Variants in STRN4 observed in about 807,000 individuals in gnomAD.
STRN4 encodes the protein striatin-4.
STRN4 carries 27 observed loss-of-function variants against 77.9 expected under a neutral mutation model. The observed-to-expected ratio is 0.35, with a 90% CI of 0.26 to 0.48. STRN4 has a LOEUF of 0.48. Among genes scored for constraint, STRN4 ranks in the 20% least tolerant of loss-of-function variants. STRN4 has a pLI of 0.99. For missense variants in STRN4, 798 were observed against 1,049.7 expected (o/e 0.76, Z 3.31); for synonymous variants, 466 against 443.1 (o/e 1.05, Z -0.65).
chr19:46,731,244 A>AAGGGC (rs927747188), intron 5 of STRN4, among the ~76,000 whole-genome samples: 7 of 152,166 alleles, frequency 4.6e-5, no homozygotes, highest in African/African-American at 1.7e-4. Context: ...GTCAGACCAC[A>AAGGGC]AGGGCAGGTC....
rs188204828 is a variant in STRN4, at chr19:46,740,542, G to A, written c.283-1654C>T. Among the ~76,000 whole-genome samples the A allele has an allele frequency of 1.6e-3, 241 of 151,814 alleles. 1 individual carries two copies. Among genetic ancestry groups the A allele is most frequent in the African/African-American group, 5.1e-3 (213 of 41,380 alleles). On this transcript the variant is annotated intron_variant, in intron 1 of 17. Coordinates refer to ENST00000263280, the MANE Select transcript of STRN4 (RefSeq NM_013403.3). ...ACTGGAGAAGGTGTGAGGAGAGGCA[G>A]ACCGACCACCGAAGACAAGTCCTGA...
chr19:46,719,584 G>T lies in STRN4; in HGVS notation c.*821C>A, dbSNP rs2053927062. 1 of 152,640 alleles carries T rather than the reference G, an allele frequency of 6.6e-6. No individual in the cohort carries two copies. The highest frequency in any genetic ancestry group is 6.5e-5 in the Admixed American group (1 of 15,270). The allele number at this position is 152,640 out of a possible 1,614,324, so 9.5% of individuals were successfully genotyped here. A position where few individuals can be genotyped will look rare whatever the true frequency, so the allele number is the denominator to read the frequency against. On this transcript the variant is annotated 3_prime_UTR_variant, in exon 18 of 18. Coordinates refer to ENST00000263280, the MANE Select transcript of STRN4 (RefSeq NM_013403.3). ...CAGAGGGGTTGGGGCTTATAAACAGGAACCTGGAAGGGGACCGAGGGTGCA... is the reference window on the plus strand; with the variant it reads ...CAGAGGGGTTGGGGCTTATAAACAGTAACCTGGAAGGGGACCGAGGGTGCA...
At chr19:46,744,340 GAGGGCAGGGGGAGAGTT>G (rs2054532365) in intron 1 of STRN4, among the ~76,000 whole-genome samples, 3 of 152,310 alleles carry the variant, frequency 2.0e-5, no homozygotes, top group African/African-American at 7.2e-5. Flanking sequence ...CACCACAAGT[GAGGGCAGGGGGAGAGTT>G]ACTGGAGGGT....
In STRN4 at chr19:46,722,367, G is replaced by A. The variant is rs200213485; in HGVS notation, c.1907-27C>T. 33 of 1,606,120 alleles carry A rather than the reference G, an allele frequency of 2.1e-5. No individual in the cohort carries two copies. The Admixed American group carries it at 3.0e-4, about 15-fold the overall frequency. Reference sequence around the variant, plus strand: ...TGAAGGAAAACGCAGGAAGAGGGAAGGATGTCAAGCAGAAAATCAGGAAGA... The same window carrying A: ...TGAAGGAAAACGCAGGAAGAGGGAAAGATGTCAAGCAGAAAATCAGGAAGA... On this transcript the variant is annotated intron_variant, in intron 14 of 17. Transcript: ENST00000263280.
intron 9 of STRN4, 121 bp downstream of exon 9, chr19:46,727,331 T>C: frequency 1.2e-6 from 1 of 825,032 alleles, no homozygotes; most frequent in Non-Finnish European, 2.0e-6. Context: ...ACTGTCTACA[T>C]CTGCACCCCT....
At chr19:46,729,541 C>T (rs1460973618) in intron 6 of STRN4, among the ~76,000 whole-genome samples, 2 of 152,174 alleles carry the variant, frequency 1.3e-5, no homozygotes, top group Non-Finnish European at 2.9e-5. Flanking sequence ...AAGGTTTATT[C>T]AACACTTGTG....
chr19:46,731,593 A>T (rs2054255596), intron 5 of STRN4: 1 of 152,664 alleles, frequency 6.6e-6, no homozygotes, highest in Non-Finnish European at 1.5e-5. Flanking sequence ...ACGGGTGCAG[A>T]GGTCACTGCA....
At chr19:46,728,272 G>C in intron 7 of STRN4, 1 of 602,884 alleles carries the variant, frequency 1.7e-6, no homozygotes, top group Non-Finnish European at 3.0e-6. Context: ...GGAGTCACAG[G>C]ACAGGGAGGA....
chr19:46,723,504 A>C lies in STRN4; in HGVS notation c.1595-220T>G, dbSNP rs2054031561. 1.3e-5 allele frequency among the ~76,000 whole-genome samples: 2 copies of C among 152,204 alleles called. No homozygotes were observed. Among genetic ancestry groups the C allele is most frequent in the Non-Finnish European group, 1.5e-5 (1 of 68,012 alleles). On this transcript the variant is annotated intron_variant, in intron 12 of 17. Coordinates refer to ENST00000263280, the MANE Select transcript of STRN4 (RefSeq NM_013403.3). The surrounding 1 kb of genome is among the most constrained non-coding windows in gnomAD (Gnocchi z 5.5). ...CCAAGGAAGGTTCTAGGGCTCCAGA[A>C]GGCAGGGATTTCCCTCTATTCACAG...
At chr19:46,731,273 C>T (rs930536498) in intron 5 of STRN4, among the ~76,000 whole-genome samples, 1 of 152,202 alleles carries the variant, frequency 6.6e-6, no homozygotes, top group African/African-American at 2.4e-5. Flanking sequence ...GGCAAACACG[C>T]CCTGCAGGAA....
intron 1 of STRN4, among the ~76,000 whole-genome samples, chr19:46,744,273 C>T (rs2054530055): frequency 6.6e-6 from 1 of 152,118 alleles, no homozygotes; most frequent in Non-Finnish European, 1.5e-5. Context: ...GAGAGTGGGA[C>T]AGAAGTGAGA....
intron 7 of STRN4, 141 bp downstream of exon 7, chr19:46,728,477 C>T (rs2054175141): frequency 8.3e-7 from 1 of 1,208,004 alleles, no homozygotes. Flanking sequence ...GCCTCCTGCT[C>T]TCCTTGGCTA....
chr19:46,743,698 G>A (rs561518799), intron 1 of STRN4, among the ~76,000 whole-genome samples: 21 of 152,170 alleles, frequency 1.4e-4, no homozygotes, highest in Non-Finnish European at 2.8e-4. Context: ...CCAGGAGTTC[G>A]AAACCAGCCT....
At position 46,723,206 on chromosome 19, in the gene STRN4, C is replaced by A. The variant is rs923744246; in HGVS notation, c.1673G>T (p.Arg558Leu). 6.4e-7 allele frequency: 1 copy of A among 1,555,162 alleles called. No homozygotes were observed. Among genetic ancestry groups the A allele is most frequent in the East Asian group, 2.4e-5 (1 of 41,218 alleles). The change falls in exon 13 of 18, where the codon CGC (arginine) becomes CTC (leucine). Residue 558 changes from arginine to leucine, a missense_variant. Physicochemically the swap from Arg to Leu is moderately radical, Grantham distance 102 (BLOSUM62 -2). Transcript: ENST00000263280. The surrounding 1 kb of genome is among the most constrained non-coding windows in gnomAD (Gnocchi z 5.5). Reference sequence around the variant, plus strand: ...GCCATCAGCAGAACAGGAGGCCAGGCGCTGGGAGGTGGGACTGAAGGCCAG... The same window carrying A: ...GCCATCAGCAGAACAGGAGGCCAGGAGCTGGGAGGTGGGACTGAAGGCCAG... ...WGLAFSPTSQ[R>L]LASCSADGTV...
chr19:46,723,290 C>A lies in STRN4; in HGVS notation c.1595-6G>T, dbSNP rs769688056. 7.2e-6 allele frequency: 11 copies of A among 1,535,862 alleles called. No individual in the cohort carries two copies. Among genetic ancestry groups the A allele is most frequent in the South Asian group, 3.6e-5 (3 of 83,854 alleles). On this transcript the variant is annotated splice_region_variant and splice_polypyrimidine_tract_variant and intron_variant, in intron 12 of 17. Transcript: ENST00000263280. This position sits in a 1 kb window ranked among gnomAD's most constrained non-coding sequence, Gnocchi z 5.5. ...GTGGCTCAGCACGCTTGGGTCTGCA[C>A]CCACCGCAGGGAGGAAATGGGCTGT...
intron 4 of STRN4, among the ~76,000 whole-genome samples, chr19:46,735,510 G>A (rs1221960803): frequency 2.0e-5 from 3 of 151,684 alleles, no homozygotes; most frequent in African/African-American, 7.3e-5. Context: ...GATAACAGAG[G>A]CAAAAATACA....
intron 14 of STRN4, 109 bp downstream of exon 14, chr19:46,722,701 G>A: frequency 2.7e-6 from 4 of 1,490,966 alleles, no homozygotes; most frequent in Non-Finnish European, 3.7e-6. Context: ...GCCTGAGGGT[G>A]CAGGGGAGTC....
chr19:46,727,651 A>G (rs1568394006), intron 8 of STRN4, 105 bp from the exon 9 acceptor site: 1 of 964,484 alleles, frequency 1.0e-6, no homozygotes, highest in Admixed American at 2.1e-5. Context: ...GATAAAGAGC[A>G]AGAGAGAGAG....
rs760944268 is a variant in STRN4 at position 46,723,357 on chromosome 19, G to C, written c.1595-73C>G. 5.5e-6 allele frequency: 8 copies of C among 1,465,026 alleles called. No individual in the cohort carries two copies. Among genetic ancestry groups the C allele is most frequent in the Non-Finnish European group, 7.2e-6 (8 of 1,106,794 alleles). The allele number at this position is 1,465,026 out of a possible 1,614,324, so 90.8% of individuals were successfully genotyped here. A position where few individuals can be genotyped will look rare whatever the true frequency, so the allele number is the denominator to read the frequency against. On this transcript the variant is annotated intron_variant, in intron 12 of 17. Transcript: ENST00000263280. This position sits in a 1 kb window ranked among gnomAD's most constrained non-coding sequence, Gnocchi z 5.5. ...CCTCCCTGGACAGCCCAGAGCCCCA[G>C]CTCTGCCAAGCCCCAGGCAGCTGGG...
Sources: gnomAD v4.1 joint callset for allele counts (sites outside exome capture counted in the v4.1 genomes callset) on GRCh38, gnomAD v4.1.1 for gene constraint, Gnocchi (gnomAD v3.1) non-coding constraint, MANE v1.5 for transcripts, NCBI Gene and HGNC (gene_info 2026-07-23, HGNC 2026-07-21) for gene names.